Variants in OSBPL9 observed in about 807,000 individuals in gnomAD.
OSBPL9 encodes oxysterol binding protein like 9.
Under a neutral mutation model 106.6 loss-of-function variants are expected in OSBPL9, and 40 were observed. The ratio of observed to expected loss-of-function variants is 0.38; its 90% CI spans 0.29 to 0.49. The LOEUF is 0.49. Among genes scored for constraint, OSBPL9 ranks in the 20% least tolerant of loss-of-function variants. OSBPL9 has a pLI of 0.97. For missense variants in OSBPL9, 609 were observed against 887.2 expected (o/e 0.69, Z 3.98); for synonymous variants, 269 against 295.4 (o/e 0.91, Z 0.92).
At chr1:51,687,753 AG>A (rs1162065774) in intron 3 of OSBPL9, among the ~76,000 whole-genome samples, 2 of 152,238 alleles carry the variant, frequency 1.3e-5, no homozygotes, top group Non-Finnish European at 2.9e-5. Context: ...GGAACTAGAT[AG>A]ATCATCAAAG....
intron 4 of OSBPL9, among the ~76,000 whole-genome samples, chr1:51,738,832 A>T (rs932805671): frequency 3.3e-5 from 5 of 151,950 alleles, no homozygotes; most frequent in Non-Finnish European, 7.4e-5. Flanking sequence ...ATCCGTACTC[A>T]TTGAGTGCCT....
chr1:51,784,790 G>A, intron 20 of OSBPL9: 1 of 604,234 alleles, frequency 1.7e-6, no homozygotes, highest in South Asian at 2.6e-5. Flanking sequence ...GTCATTGATA[G>A]GTTTCCTTCC....
the OSBPL9 span, chr1:51,560,834 T>G: frequency 1.3e-5 from 2 of 152,204 alleles, no homozygotes; most frequent in Non-Finnish European, 2.9e-5. Flanking sequence ...TCCGGGAATT[T>G]TAATGTTTCA....
In OSBPL9 at chr1:51,786,636, G is replaced by C; in HGVS notation, c.2000+19G>C. On this transcript the variant is annotated intron_variant, in intron 22 of 23. Transcript: ENST00000428468. ...CCCGCAGGTAAGCCGACATTGTTAA[G>C]TGGAACTATTGCTGCAGTGCTTAAA... The C allele has an allele frequency of 6.3e-7, 1 of 1,592,726 alleles. No individual in the cohort carries two copies. The highest frequency in any genetic ancestry group is 8.6e-7 in the Non-Finnish European group (1 of 1,161,350).
At chr1:51,781,726 T>G (rs944452131) in intron 16 of OSBPL9, 6 of 177,274 alleles carry the variant, frequency 3.4e-5, no homozygotes, top group Non-Finnish European at 7.3e-5. Flanking sequence ...CAAGCTTTAT[T>G]TTGGAGGTAG....
intron 1 of OSBPL9, among the ~76,000 whole-genome samples, chr1:51,621,983 G>A (rs1644466007): frequency 6.6e-6 from 1 of 151,804 alleles, no homozygotes; most frequent in Admixed American, 6.6e-5. Flanking sequence ...TCTCTATGAT[G>A]TTAAAATTGA....
intron 4 of OSBPL9, among the ~76,000 whole-genome samples, chr1:51,732,916 A>G (rs1452987870): frequency 6.6e-6 from 1 of 152,212 alleles, no homozygotes; most frequent in South Asian, 2.1e-4. Flanking sequence ...CACGGCATCC[A>G]CTGTGAACTG....
chr1:51,561,205 C>A, the OSBPL9 span, among the ~76,000 whole-genome samples: 1 of 152,168 alleles, frequency 6.6e-6, no homozygotes, highest in African/African-American at 2.4e-5. Flanking sequence ...TCACTGCACT[C>A]CAGCATGGGT....
At chr1:51,784,788 T>C (rs375428472) in intron 20 of OSBPL9, 1 of 614,308 alleles carries the variant, frequency 1.6e-6, no homozygotes, top group South Asian at 2.5e-5. Flanking sequence ...AGGTCATTGA[T>C]AGGTTTCCTT....
chr1:51,616,958 A>T, upstream of OSBPL9: 1 of 1,438,708 alleles, frequency 7.0e-7, no homozygotes, highest in Non-Finnish European at 9.2e-7. Flanking sequence ...GCGCCCTAAG[A>T]AAGCGTGTTT....
At chr1:51,527,878 C>T in the OSBPL9 span, among the ~76,000 whole-genome samples, 472 of 151,348 alleles carry the variant, frequency 3.1e-3, 2 homozygotes, top group African/African-American at 0.011. Context: ...TTTGGGAGAC[C>T]GAGGCAAGCA....
intron 3 of OSBPL9, among the ~76,000 whole-genome samples, chr1:51,705,880 C>T (rs1658438763): frequency 6.6e-6 from 1 of 152,104 alleles, no homozygotes; most frequent in Admixed American, 6.5e-5. Context: ...AGGTCATGGT[C>T]ATTCATTCAT....
intron 4 of OSBPL9, 67 bp from the exon 5 acceptor site, chr1:51,745,469 A>G: frequency 1.9e-6 from 3 of 1,560,092 alleles, no homozygotes; most frequent in Admixed American, 3.9e-5. Flanking sequence ...TGAAGGGAAA[A>G]GTATTTTTTG....
At chr1:51,551,561 CATTTATTT>C in the OSBPL9 span, among the ~76,000 whole-genome samples, 984 of 151,876 alleles carry the variant, frequency 6.5e-3, 2 homozygotes, top group Non-Finnish European at 0.011. Context: ...TTCCAACAGT[CATTTATTT>C]ATTTATTTAT....
At position 51,729,723 on chromosome 1, in the gene OSBPL9, A is replaced by C; in HGVS notation, c.318+15644A>C. On this transcript the variant is annotated intron_variant, in intron 4 of 23. Transcript: ENST00000428468. The surrounding 1 kb of genome is among the most constrained non-coding windows in gnomAD (Gnocchi z 5.1). Reference sequence around the variant, plus strand: ...CTCCTACAGCAGGTGACCCATGGCCAATCGCCAGGGGTCTCTTTGCCAGGA... The same window carrying C: ...CTCCTACAGCAGGTGACCCATGGCCCATCGCCAGGGGTCTCTTTGCCAGGA... 1 of 887,208 alleles carries C rather than the reference A, an allele frequency of 1.1e-6. No homozygotes were observed. The highest frequency in any genetic ancestry group is 1.5e-6 in the Non-Finnish European group (1 of 675,024). 55.0% of individuals were successfully genotyped at this position (887,208 alleles called of 1,614,324 possible).
At chr1:51,652,941 C>G (rs1388223697) in intron 2 of OSBPL9, among the ~76,000 whole-genome samples, 1 of 152,190 alleles carries the variant, frequency 6.6e-6, no homozygotes, top group Admixed American at 6.5e-5. Context: ...CTTCTTTCTT[C>G]CACCTTTTTT....
chr1:51,556,814 C>CACATATATATGTGTATATATAT, the OSBPL9 span, among the ~76,000 whole-genome samples: 54 of 148,282 alleles, frequency 3.6e-4, no homozygotes, highest in Non-Finnish European at 5.5e-4. Flanking sequence ...TATATATATA[C>CACATATATATGTGTATATATAT]ACATATATAT....
chr1:51,695,021 A>G lies in OSBPL9; in HGVS notation c.242-18982A>G, dbSNP rs117224697. Reference sequence around the variant, plus strand: ...ATGATATTCTGTTAACAAAGTGCCCATTAGTTCCCAACTCAGACATTTGCA... The same window carrying G: ...ATGATATTCTGTTAACAAAGTGCCCGTTAGTTCCCAACTCAGACATTTGCA... On this transcript the variant is annotated intron_variant, in intron 3 of 23. Coordinates refer to ENST00000428468, the MANE Select transcript of OSBPL9 (RefSeq NM_024586.6). Among the ~76,000 whole-genome samples, 96 of 152,346 alleles carry G rather than the reference A, an allele frequency of 6.3e-4. No homozygotes were observed. In the East Asian group the frequency reaches 0.015, roughly 23 times the overall value.
chr1:51,547,573 G>A, the OSBPL9 span, among the ~76,000 whole-genome samples: 25 of 152,114 alleles, frequency 1.6e-4, no homozygotes, highest in Non-Finnish European at 2.5e-4. Context: ...GGTAGGGCAC[G>A]GTGGTTCACC....
Sources: gnomAD v4.1 joint callset for allele counts (sites outside exome capture counted in the v4.1 genomes callset) on GRCh38, gnomAD v4.1.1 for gene constraint, Gnocchi (gnomAD v3.1) non-coding constraint, MANE v1.5 for transcripts, NCBI Gene and HGNC (gene_info 2026-07-23, HGNC 2026-07-21) for gene names.